CTNND2: variants seen among roughly 807,000 people sequenced by gnomAD.
CTNND2 encodes catenin delta-2.
CTNND2 carries 22 observed loss-of-function variants against 144.4 expected under a neutral mutation model. The observed-to-expected ratio is 0.15, with a 90% confidence interval of 0.11 to 0.22. CTNND2 has a LOEUF of 0.22. Among genes scored for constraint, CTNND2 ranks in the 10% least tolerant of loss-of-function variants. CTNND2 has a pLI of 1.00. For missense variants in CTNND2, 1,353 were observed against 1,618.8 expected (o/e 0.84, Z 2.82); for synonymous variants, 751 against 695.6 (o/e 1.08, Z -1.25).
At chr5:11,473,351 G>A (rs1418824140) in intron 3 of CTNND2, among the ~76,000 whole-genome samples, 3 of 152,132 alleles carry the variant, frequency 2.0e-5, no homozygotes, top group African/African-American at 7.2e-5. Flanking sequence ...GGCATTGAAT[G>A]TTCATGTTGT....
chr5:11,405,129 C>A (rs552641993), intron 5 of CTNND2, among the ~76,000 whole-genome samples: 7 of 152,216 alleles, frequency 4.6e-5, no homozygotes, highest in African/African-American at 1.4e-4. Context: ...TATTTGTGTT[C>A]CGGGAATCTA....
At position 10,973,560 on chromosome 5, in the gene CTNND2, G is replaced by C. The variant is rs748195731; in HGVS notation, c.3571C>G (p.Leu1191Val). ...TCAACGTAGTTGCCGGTGGACTTGA[G>C]ACCCAGGTGCATGGTGTACTCGCTG... is the stretch of plus-strand genomic sequence containing the variant. ...PASEYTMHLG[L>V]KSTGNYVDFY... The change falls in exon 22 of 22, where the codon CTC (leucine) becomes GTC (valine). Residue 1191 changes from leucine to valine, a missense_variant. Transcript: ENST00000304623. The surrounding 1 kb of genome is among the most constrained non-coding windows in gnomAD (Gnocchi z 5.6). 1.2e-6 allele frequency: 2 copies of C among 1,614,062 alleles called. No homozygotes were observed. The highest frequency in any genetic ancestry group is 1.3e-5 in the African/African-American group (1 of 74,922).
chr5:11,315,051 C>G (rs183446001), intron 9 of CTNND2, among the ~76,000 whole-genome samples: 140 of 152,108 alleles, frequency 9.2e-4, no homozygotes, highest in Non-Finnish European at 1.5e-3. Context: ...CAAAAATAAT[C>G]ATTAATTATA....
intron 11 of CTNND2, among the ~76,000 whole-genome samples, chr5:11,180,058 G>A (rs1328643571): frequency 6.6e-6 from 1 of 152,158 alleles, no homozygotes; most frequent in Non-Finnish European, 1.5e-5. Flanking sequence ...TTTGCTCTGG[G>A]TCCCCACCCA....
intron 9 of CTNND2, among the ~76,000 whole-genome samples, chr5:11,293,462 T>C (rs1222190126): frequency 6.6e-6 from 1 of 152,138 alleles, no homozygotes; most frequent in Non-Finnish European, 1.5e-5. Flanking sequence ...ACATTTAAAA[T>C]AAAATAACTC....
chr5:11,655,125 T>C (rs1782844029), intron 2 of CTNND2, among the ~76,000 whole-genome samples: 1 of 152,100 alleles, frequency 6.6e-6, no homozygotes, highest in African/African-American at 2.4e-5. Flanking sequence ...AAATTTATCA[T>C]TTTATATTGT....
intron 16 of CTNND2, among the ~76,000 whole-genome samples, chr5:11,056,689 T>C (rs1406113805): frequency 6.6e-6 from 1 of 152,210 alleles, no homozygotes; most frequent in African/African-American, 2.4e-5. Context: ...TTGAAGGTCC[T>C]AAGAACTTTT....
intron 2 of CTNND2, among the ~76,000 whole-genome samples, chr5:11,686,805 A>AAT (rs1178548067): frequency 6.7e-6 from 1 of 148,390 alleles, no homozygotes; most frequent in East Asian, 1.9e-4. Flanking sequence ...ACATAATATA[A>AAT]ATATATATTT....
chr5:11,570,721 C>T (rs1209937094), intron 2 of CTNND2, among the ~76,000 whole-genome samples: 1 of 151,916 alleles, frequency 6.6e-6, no homozygotes. Flanking sequence ...TGATATACCT[C>T]TATTTTTAGA....
intron 2 of CTNND2, among the ~76,000 whole-genome samples, chr5:11,662,293 A>C (rs1783310271): frequency 6.8e-6 from 1 of 146,966 alleles, no homozygotes; most frequent in Non-Finnish European, 1.5e-5. Flanking sequence ...ATATATATAG[A>C]CAGAGAGAGA....
intron 2 of CTNND2, among the ~76,000 whole-genome samples, chr5:11,610,517 C>T (rs2126377907): frequency 6.6e-6 from 1 of 152,234 alleles, no homozygotes; most frequent in East Asian, 1.9e-4. Flanking sequence ...GTTTTAATGC[C>T]AGAAGGCTGC....
At chr5:11,012,244 G>A (rs1157716436) in intron 18 of CTNND2, among the ~76,000 whole-genome samples, 1 of 152,098 alleles carries the variant, frequency 6.6e-6, no homozygotes, top group Non-Finnish European at 1.5e-5. Flanking sequence ...GGGAGGGGGT[G>A]GGATTGAGGG....
rs574001632 is a variant in CTNND2, at chr5:11,105,365, G to A, written c.2463+5493C>T. On this transcript the variant is annotated intron_variant, in intron 14 of 21. Transcript: ENST00000304623. ...AATTTTAACACCCAGGGGGACAAGC[G>A]GCAATGTCTGGGGACATTTTTGGTT... is the stretch of plus-strand genomic sequence containing the variant. 5.9e-5 allele frequency among the ~76,000 whole-genome samples: 9 copies of A among 152,326 alleles called. No individual in the cohort carries two copies. In the East Asian group the frequency reaches 7.7e-4, roughly 13 times the overall value.
chr5:11,684,629 G>A (rs1208187934), intron 2 of CTNND2, among the ~76,000 whole-genome samples: 1 of 152,186 alleles, frequency 6.6e-6, no homozygotes. Context: ...GTTAGTACAT[G>A]TACTGTGCCT....
chr5:11,527,469 A>G (rs1431265297), intron 3 of CTNND2, among the ~76,000 whole-genome samples: 1 of 151,374 alleles, frequency 6.6e-6, no homozygotes, highest in Non-Finnish European at 1.5e-5. Flanking sequence ...CACCCCCTGT[A>G]CCCTTCCCAC....
chr5:11,279,351 C>A (rs1746878430), intron 9 of CTNND2, among the ~76,000 whole-genome samples: 1 of 152,156 alleles, frequency 6.6e-6, no homozygotes, highest in Non-Finnish European at 1.5e-5. Context: ...AGCCTATATT[C>A]AACCCATCAA....
chr5:11,200,772 G>C (rs796215275), intron 10 of CTNND2, among the ~76,000 whole-genome samples: 1 of 152,092 alleles, frequency 6.6e-6, no homozygotes, highest in African/African-American at 2.4e-5. Context: ...TCCGCCTCCC[G>C]GGTTCACGCC....
chr5:11,573,615 T>C (rs1449176192), intron 2 of CTNND2, among the ~76,000 whole-genome samples: 2 of 152,114 alleles, frequency 1.3e-5, no homozygotes, highest in African/African-American at 4.8e-5. Flanking sequence ...TACACCTCAT[T>C]GGTGAGTCAG....
chr5:11,306,293 T>C (rs1185512109), intron 9 of CTNND2, among the ~76,000 whole-genome samples: 1 of 152,196 alleles, frequency 6.6e-6, no homozygotes, highest in African/African-American at 2.4e-5. Context: ...TGGGGGGATG[T>C]TTGAAAATAC....
Sources: allele counts gnomAD v4.1 joint callset (sites outside exome capture counted in the v4.1 genomes callset), GRCh38; gene constraint gnomAD v4.1.1; non-coding constraint Gnocchi (gnomAD v3.1); transcripts MANE v1.5; gene names NCBI Gene and HGNC (gene_info 2026-07-23, HGNC 2026-07-21).